The following MEIS1 variants were observed in gnomAD, a reference collection of about 807,000 sequenced individuals.
The protein encoded by MEIS1 is Meis homeobox 1.
In MEIS1, 5 loss-of-function variants were observed where a neutral mutation model predicts 50.8. The observed-to-expected ratio is 0.10, with a 90% CI of 0.05 to 0.21. The LOEUF is 0.21. Among genes scored for constraint, MEIS1 ranks in the 10% least tolerant of loss-of-function variants. The pLI is 1.00. For synonymous variants in MEIS1, 176 were observed against 179.3 expected, an observed-to-expected ratio of 0.98 and a Z score of 0.15; for missense variants, 318 against 517.3, an observed-to-expected ratio of 0.61 and a Z score of 3.74.
intron 9 of MEIS1, among the ~76,000 whole-genome samples, chr2:66,553,748 A>G (rs369525177): frequency 6.6e-6 from 1 of 152,198 alleles, no homozygotes. Context: ...ATGACTCTGC[A>G]GTCTGTTAAA....
intron 8 of MEIS1, among the ~76,000 whole-genome samples, chr2:66,541,092 C>T (rs1294416599): frequency 2.6e-5 from 4 of 151,406 alleles, no homozygotes; most frequent in Non-Finnish European, 5.9e-5. Context: ...GGCTGGAGTG[C>T]AGTGGCGCAA....
chr2:66,455,505 A>T (rs976477477), intron 6 of MEIS1, among the ~76,000 whole-genome samples: 1 of 152,340 alleles, frequency 6.6e-6, no homozygotes, highest in East Asian at 1.9e-4. Context: ...TCTGCTTAGC[A>T]TAGTTGATTC....
intron 9 of MEIS1, among the ~76,000 whole-genome samples, chr2:66,567,113 A>G (rs1475561005): frequency 6.6e-6 from 1 of 152,196 alleles, no homozygotes; most frequent in African/African-American, 2.4e-5. Context: ...AACTCTTTAC[A>G]CCAATTTTCT....
chr2:66,461,811 G>A, intron 6 of MEIS1: 1 of 467,290 alleles, frequency 2.1e-6, no homozygotes, highest in South Asian at 1.6e-5. Flanking sequence ...GATCATAGCG[G>A]AATCAGAATT....
chr2:66,553,049 G>GA (rs1385929428), intron 9 of MEIS1, among the ~76,000 whole-genome samples: 79 of 152,092 alleles, frequency 5.2e-4, no homozygotes, highest in African/African-American at 1.7e-3. Flanking sequence ...GTAAAAAAAA[G>GA]AAAAAAACAG....
chr2:66,499,770 C>T (rs6546234), intron 7 of MEIS1, among the ~76,000 whole-genome samples: 9,820 of 151,324 alleles, frequency 0.065, 766 homozygotes, highest in African/African-American at 0.19. Flanking sequence ...AGATGTGGTC[C>T]GGATGAACAG....
At chr2:66,562,912 C>T (rs1675253129) in intron 9 of MEIS1, among the ~76,000 whole-genome samples, 1 of 152,098 alleles carries the variant, frequency 6.6e-6, no homozygotes, top group Non-Finnish European at 1.5e-5. Context: ...TTAAGAAACC[C>T]TATGTTCGAA....
intron 7 of MEIS1, among the ~76,000 whole-genome samples, chr2:66,506,089 G>A (rs984357444): frequency 3.0e-4 from 46 of 152,182 alleles, no homozygotes; most frequent in Admixed American, 7.8e-4. Context: ...CTGGAGTAAC[G>A]CCAGGATTTG....
intron 9 of MEIS1, among the ~76,000 whole-genome samples, chr2:66,564,288 A>G (rs923068529): frequency 7.9e-5 from 12 of 152,280 alleles, no homozygotes; most frequent in Middle Eastern, 3.4e-3. Flanking sequence ...TGTGTTCTTA[A>G]TAACAACAAA....
intron 7 of MEIS1, among the ~76,000 whole-genome samples, chr2:66,491,775 G>C (rs970197258): frequency 6.6e-6 from 1 of 152,122 alleles, no homozygotes; most frequent in African/African-American, 2.4e-5. Flanking sequence ...TACATTCACA[G>C]AGTGTGTGGG....
At chr2:66,555,977 C>A (rs1268488063) in intron 9 of MEIS1, among the ~76,000 whole-genome samples, 1 of 151,888 alleles carries the variant, frequency 6.6e-6, no homozygotes, top group African/African-American at 2.4e-5. Flanking sequence ...GTGTGCACGC[C>A]GAGGAGCTTT....
At position 66,571,995 on chromosome 2, in the gene MEIS1, C is replaced by A. The variant is rs1268444454; in HGVS notation, c.*787C>A. The A allele has an allele frequency of 1.2e-5, 2 of 166,328 alleles. No individual in the cohort carries two copies. The highest frequency in any genetic ancestry group is 6.5e-5 in the Admixed American group (1 of 15,422). 10.3% of individuals were successfully genotyped at this position (166,328 alleles called of 1,614,324 possible). On this transcript the variant is annotated 3_prime_UTR_variant, in exon 13 of 13. Coordinates refer to ENST00000272369, the MANE Select transcript of MEIS1 (RefSeq NM_002398.3). ...CTTCTCGCCTAGGATTTCAGCCATG[C>A]GCGCGCTCTCTCTCTTTCTCTCTCT...
rs1023699996 is a variant in MEIS1, at chr2:66,571,621, C to G, written c.*413C>G. ...TGGAGTTCCATTCTTGGCATCTACT[C>G]TGGACCAAGGAGCATCCCTAATTCT... On this transcript the variant is annotated 3_prime_UTR_variant, in exon 13 of 13. Coordinates refer to ENST00000272369, the MANE Select transcript of MEIS1 (RefSeq NM_002398.3). The G allele has an allele frequency of 1.4e-6, 2 of 1,457,172 alleles. No homozygotes were observed. Among genetic ancestry groups the G allele is most frequent in the Admixed American group, 2.1e-5 (1 of 48,674 alleles). 90.3% of individuals were successfully genotyped at this position (1,457,172 alleles called of 1,614,324 possible). A position where few individuals can be genotyped will look rare whatever the true frequency, so the allele number is the denominator to read the frequency against.
chr2:66,456,085 ACACAGAGATAGAGG>A (rs1424630644), intron 6 of MEIS1, among the ~76,000 whole-genome samples: 1 of 152,184 alleles, frequency 6.6e-6, no homozygotes, highest in Non-Finnish European at 1.5e-5. Flanking sequence ...ATGCCTCATT[ACACAGAGATAGAGG>A]ATTCAATGTT....
chr2:66,571,267 A>T lies in MEIS1; in HGVS notation c.*59A>T. The T allele has an allele frequency of 6.3e-7, 1 of 1,591,882 alleles. No homozygotes were observed. On this transcript the variant is annotated 3_prime_UTR_variant, in exon 13 of 13. Transcript: ENST00000272369. ...ACAGGGCTGCAAAGTATGCCAGGGG[A>T]GTATGTAGCCCGGGGTGGTCCAATG...
chr2:66,466,974 G>A (rs1672653397), intron 7 of MEIS1, among the ~76,000 whole-genome samples: 1 of 150,540 alleles, frequency 6.6e-6, no homozygotes, highest in Non-Finnish European at 1.5e-5. Flanking sequence ...AGAAAGAAAG[G>A]AAAGAAAAGA....
At chr2:66,485,326 C>A (rs1476522631) in intron 7 of MEIS1, among the ~76,000 whole-genome samples, 4 of 152,112 alleles carry the variant, frequency 2.6e-5, no homozygotes. Context: ...CATTGTTCAC[C>A]TCCCACTTAT....
At chr2:66,558,018 G>T (rs997163105) in intron 9 of MEIS1, among the ~76,000 whole-genome samples, 1 of 152,234 alleles carries the variant, frequency 6.6e-6, no homozygotes, top group East Asian at 1.9e-4. Flanking sequence ...AGTGGCTCAC[G>T]CCTGTAATCC....
At chr2:66,495,146 T>C (rs1011754528) in intron 7 of MEIS1, among the ~76,000 whole-genome samples, 1 of 146,910 alleles carries the variant, frequency 6.8e-6, no homozygotes. Context: ...AGACAGGCAA[T>C]TAGCATGATC....
Sources: gnomAD v4.1 joint callset for allele counts (sites outside exome capture counted in the v4.1 genomes callset) on GRCh38, gnomAD v4.1.1 for gene constraint, MANE v1.5 for transcripts, NCBI Gene and HGNC (gene_info 2026-07-23, HGNC 2026-07-21) for gene names.